KIF24: variants seen among roughly 807,000 people sequenced by gnomAD.
The protein encoded by KIF24 is kinesin family member 24.
In KIF24, 81 loss-of-function variants were observed where a neutral mutation model predicts 118.9. The observed-to-expected ratio is 0.68, with a 90% CI of 0.57 to 0.82. The LOEUF is 0.82. Ranked by LOEUF, KIF24 falls within the 40% of genes least tolerant of loss-of-function variation. The pLI is 0.00. For missense variants in KIF24, 1,560 were observed against 1,661.6 expected (o/e 0.94, Z 1.06); for synonymous variants, 599 against 610.0 (o/e 0.98, Z 0.27).
At chr9:34,262,678 A>G (rs1563936673) in intron 9 of KIF24, among the ~76,000 whole-genome samples, 1 of 17,364 alleles carries the variant, frequency 5.8e-5, no homozygotes, top group Non-Finnish European at 9.5e-5. Flanking sequence ...AAAAAAAAAT[A>G]TATATATATA....
At chr9:34,301,993 T>TTC (rs767616798) in intron 3 of KIF24, among the ~76,000 whole-genome samples, 1 of 119,728 alleles carries the variant, frequency 8.4e-6, no homozygotes, top group South Asian at 3.2e-4. Flanking sequence ...ATGTATTTTT[T>TTC]TTTCTTTTTT....
intron 6 of KIF24, among the ~76,000 whole-genome samples, chr9:34,285,990 CT>C (rs1357769313): frequency 6.6e-6 from 1 of 150,632 alleles, no homozygotes; most frequent in Non-Finnish European, 1.5e-5. Flanking sequence ...TCTCCAGCAG[CT>C]TTTCCCAGAG....
intron 1 of KIF24, among the ~76,000 whole-genome samples, chr9:34,320,667 AAAAAAAAAAAAAAAGGAAAAAAAG>A (rs1357779273): frequency 6.6e-6 from 1 of 150,844 alleles, no homozygotes; most frequent in Non-Finnish European, 1.5e-5. Flanking sequence ...TCAAAAAAAA[AAAAAAAAAAAAAAAGGAAAAAAAG>A]AAAAAGGCTA....
Position 34,269,263 on chromosome 9 carries a change from T to C in KIF24, c.1437A>G (p.Leu479=). The change falls in exon 8 of 13, where the codon CTA becomes CTG. Residue 479 remains leucine (L), a synonymous_variant. Transcript: ENST00000402558. ...KMEGAEINQS[L]LALKECIRAL... is the part of the protein sequence containing the mutation. ...AAGATTTTGAACAACTTACAGCCAG[T>C]AGACTCTGATTTATTTCTGCACCTT... 1.3e-6 allele frequency: 2 copies of C among 1,593,218 alleles called. No individual in the cohort carries two copies. Among genetic ancestry groups the C allele is most frequent in the Non-Finnish European group, 1.7e-6 (2 of 1,162,810 alleles).
chr9:34,329,997 T>C (rs1837846652), upstream of KIF24, among the ~76,000 whole-genome samples: 1 of 152,260 alleles, frequency 6.6e-6, no homozygotes, highest in Non-Finnish European at 1.5e-5. Context: ...AGATTTTATG[T>C]TTTCTAATTG....
rs889662895 is a variant in KIF24, at chr9:34,256,472, A to C, written c.3135T>G (p.Ala1045=). Residue 1045 remains alanine, a synonymous_variant, in exon 11 of 13, where the codon GCT becomes GCG. Transcript: ENST00000402558. ...RGQLGTHAEY[A]SGLMSPLTMS... Reference sequence around the variant, plus strand: ...TGGTGAGGGGAGACATGAGTCCAGAAGCATATTCAGCATGCGTGCCTAACT... The same window carrying C: ...TGGTGAGGGGAGACATGAGTCCAGACGCATATTCAGCATGCGTGCCTAACT... The C allele has an allele frequency of 1.9e-6, 3 of 1,613,682 alleles. No homozygotes were observed. The highest frequency in any genetic ancestry group is 1.7e-6 in the Non-Finnish European group (2 of 1,179,812).
At chr9:34,332,576 G>A (rs1162562917), upstream of KIF24, among the ~76,000 whole-genome samples, 1 of 152,166 alleles carries the variant, frequency 6.6e-6, no homozygotes, top group Non-Finnish European at 1.5e-5. Flanking sequence ...CTAATAGGCT[G>A]CTTAACAAAT....
Position 34,252,815 on chromosome 9 carries a change from A to AAAG in KIF24, c.*1562_*1564dup, listed in dbSNP as rs1346927221. 1.3e-5 allele frequency: 2 copies of AAAG among 152,102 alleles called. No homozygotes were observed. The highest frequency in any genetic ancestry group is 2.9e-5 in the Non-Finnish European group (2 of 68,036). The allele number at this position is 152,102 out of a possible 1,614,324, so 9.4% of individuals were successfully genotyped here. A position where few individuals can be genotyped will look rare whatever the true frequency, so the allele number is the denominator to read the frequency against. On this transcript the variant is annotated 3_prime_UTR_variant, in exon 13 of 13. Coordinates refer to ENST00000402558, the MANE Select transcript of KIF24 (RefSeq NM_194313.4). ...GGGCCTTCAGGGGGATCACCCAGTAAAAGAGGAAGAAGCCCTTTTACTGTG... is the reference window on the plus strand; with the variant it reads ...GGGCCTTCAGGGGGATCACCCAGTAAAAGAAGAGGAAGAAGCCCTTTTACTGTG...
chr9:34,293,060 A>G (rs1272643587), intron 4 of KIF24, among the ~76,000 whole-genome samples: 1 of 152,230 alleles, frequency 6.6e-6, no homozygotes, highest in Non-Finnish European at 1.5e-5. Flanking sequence ...GCCCTTACTA[A>G]GAAATTGAAC....
chr9:34,331,227 A>C (rs558103514), upstream of KIF24, among the ~76,000 whole-genome samples: 12 of 152,362 alleles, frequency 7.9e-5, no homozygotes, highest in South Asian at 2.3e-3. Context: ...AGTTTAACAG[A>C]CAAGATGAAA....
rs1836062903 is a variant in KIF24 at position 34,286,670 on chromosome 9, G to T, written c.1162C>A (p.Gln388Lys). Residue 388 changes from glutamine to lysine, a missense_variant, in exon 6 of 13, where the codon CAG becomes AAG. Around this residue, in one of 3 missense-constraint regions of KIF24, gnomAD observed 964 missense variants for 988.0 expected, o/e 0.98. Transcript: ENST00000402558. ...TGAAGCTCTTGCAGTCCCACTATCT[G>T]CACCATGTGCTTGCTATCTTCTCTT... ...FAREDSKHMV[Q>K]IVGLQELQVD... The T allele has an allele frequency of 6.2e-7, 1 of 1,613,398 alleles. No homozygotes were observed. The highest frequency in any genetic ancestry group is 1.1e-5 in the South Asian group (1 of 91,076).
intron 1 of KIF24, among the ~76,000 whole-genome samples, chr9:34,313,464 A>G (rs1394717490): frequency 6.9e-6 from 1 of 145,006 alleles, no homozygotes; most frequent in Non-Finnish European, 1.5e-5. Context: ...TAATTTTTTA[A>G]AACAAGTTTT....
chr9:34,330,234 T>C (rs1485045282), upstream of KIF24, among the ~76,000 whole-genome samples: 1 of 152,046 alleles, frequency 6.6e-6, no homozygotes, highest in Admixed American at 6.5e-5. Context: ...AAACCCCGTC[T>C]CTACTAAACA....
chr9:34,284,721 G>T (rs1379159506), intron 6 of KIF24, among the ~76,000 whole-genome samples: 1 of 152,140 alleles, frequency 6.6e-6, no homozygotes, highest in Admixed American at 6.5e-5. Flanking sequence ...CAAAAGTCAG[G>T]ATAATAGGGG....
chr9:34,257,125 A>C lies in KIF24; in HGVS notation c.2482T>G (p.Phe828Val), dbSNP rs753198737. The C allele has an allele frequency of 1.2e-6, 2 of 1,613,974 alleles. No individual in the cohort carries two copies. Among genetic ancestry groups the C allele is most frequent in the Non-Finnish European group, 1.7e-6 (2 of 1,179,878 alleles). The change falls in exon 11 of 13, where the codon TTC becomes GTC. Residue 828 changes from phenylalanine to valine, a missense_variant. Coordinates refer to ENST00000402558, the MANE Select transcript of KIF24 (RefSeq NM_194313.4). Reference protein sequence around the residue: ...AQVEELDDSDFSEDSFSHISS... With the variant: ...AQVEELDDSDVSEDSFSHISS... ...ATGTGTGAAAAAGAATCTTCACTGAAATCACTGTCATCAAGTTCCTCTACT... is the reference window on the plus strand; with the variant it reads ...ATGTGTGAAAAAGAATCTTCACTGACATCACTGTCATCAAGTTCCTCTACT...
In KIF24 at chr9:34,277,814, T is replaced by C. The variant is rs577398658; in HGVS notation, c.1216-5884A>G. Reference sequence around the variant, plus strand: ...GTAAAAATGAGGCAGTCTGTGAATATCAAAGTCATCACATTTTTGTAAATG... The same window carrying C: ...GTAAAAATGAGGCAGTCTGTGAATACCAAAGTCATCACATTTTTGTAAATG... On this transcript the variant is annotated intron_variant, in intron 6 of 12. Transcript: ENST00000402558. Among the ~76,000 whole-genome samples the C allele has an allele frequency of 2.6e-5, 4 of 152,282 alleles. No individual in the cohort carries two copies. In the South Asian group the frequency reaches 8.3e-4, roughly 32 times the overall value.
chr9:34,319,954 C>A (rs958596214), intron 1 of KIF24, among the ~76,000 whole-genome samples: 1 of 152,206 alleles, frequency 6.6e-6, no homozygotes, highest in Non-Finnish European at 1.5e-5. Flanking sequence ...AATCAGTGTT[C>A]ATATTTATAG....
At chr9:34,293,358 C>T (rs775071307) in intron 4 of KIF24, among the ~76,000 whole-genome samples, 13 of 151,250 alleles carry the variant, frequency 8.6e-5, no homozygotes, top group South Asian at 6.3e-4. Context: ...CACACGCCTA[C>T]AATCCCAGCT....
At chr9:34,287,835 G>T (rs1036562329) in intron 5 of KIF24, among the ~76,000 whole-genome samples, 25 of 150,996 alleles carry the variant, frequency 1.7e-4, no homozygotes, top group African/African-American at 6.1e-4. Context: ...GTTTGAGGCT[G>T]TAGTACGCTA....
Sources: gnomAD v4.1 joint callset for allele counts (sites outside exome capture counted in the v4.1 genomes callset) on GRCh38, gnomAD v4.1.1 for gene constraint, gnomAD v4.1.1 regional missense constraint, MANE v1.5 for transcripts, NCBI Gene and HGNC (gene_info 2026-07-23, HGNC 2026-07-21) for gene names.